PACRG: variants seen among roughly 807,000 people sequenced by gnomAD.
PACRG encodes parkin coregulated gene protein.
In PACRG, 29 loss-of-function variants were observed where a neutral mutation model predicts 29.7. The observed-to-expected ratio is 0.98, with a 90% CI of 0.73 to 1.33. The LOEUF (loss-of-function observed/expected upper bound fraction) is 1.33. Among genes scored for constraint, PACRG ranks in the 40% most tolerant of loss-of-function variants. PACRG has a pLI of 0.00. For missense variants in PACRG, 279 were observed against 316.2 expected (o/e 0.88, Z 0.89); for synonymous variants, 116 against 118.7 (o/e 0.98, Z 0.15).
chr6:163,114,197 T>C lies in PACRG; in HGVS notation c.613+24789T>C, dbSNP rs138021647. Among the ~76,000 whole-genome samples, 309 of 152,144 alleles carry C rather than the reference T, an allele frequency of 2.0e-3. 1 individual carries two copies. Among genetic ancestry groups the C allele is most frequent in the Middle Eastern group, 3.4e-3 (1 of 294 alleles). On this transcript the variant is annotated intron_variant, in intron 4 of 4. Transcript: ENST00000366888. ...CCCAGGAGGTGGAGGTTTCAGTGAGTCGAGATTGTGCCACTGCACTTCAGC... is the reference window on the plus strand; with the variant it reads ...CCCAGGAGGTGGAGGTTTCAGTGAGCCGAGATTGTGCCACTGCACTTCAGC...
intron 4 of PACRG, among the ~76,000 whole-genome samples, chr6:163,178,307 G>A (rs921552505): frequency 1.3e-5 from 2 of 152,168 alleles, no homozygotes; most frequent in Non-Finnish European, 2.9e-5. Flanking sequence ...CTCACAGCTC[G>A]GCGTGGCACG....
chr6:163,243,832 C>T (rs967622372), intron 4 of PACRG, among the ~76,000 whole-genome samples: 7 of 151,162 alleles, frequency 4.6e-5, no homozygotes, highest in Non-Finnish European at 7.4e-5. Flanking sequence ...ACCTGGGTCT[C>T]CAAGGCCCAG....
intron 4 of PACRG, among the ~76,000 whole-genome samples, chr6:163,286,885 T>C (rs917593147): frequency 1.3e-5 from 2 of 152,238 alleles, no homozygotes; most frequent in Non-Finnish European, 2.9e-5. Context: ...CACGTGTAGA[T>C]GTATGTGCAT....
At chr6:162,819,644 G>A (rs1787666137) in intron 2 of PACRG, among the ~76,000 whole-genome samples, 1 of 152,168 alleles carries the variant, frequency 6.6e-6, no homozygotes, top group Non-Finnish European at 1.5e-5. Flanking sequence ...ACCTAGAACA[G>A]TACTGTCACA....
chr6:162,999,579 G>A (rs923144015), intron 2 of PACRG, among the ~76,000 whole-genome samples: 1 of 152,158 alleles, frequency 6.6e-6, no homozygotes, highest in Non-Finnish European at 1.5e-5. Context: ...AAACAAGACT[G>A]GCTTGGCCTT....
chr6:162,845,781 C>A (rs947475841), intron 2 of PACRG, among the ~76,000 whole-genome samples: 2 of 152,188 alleles, frequency 1.3e-5, no homozygotes, highest in Non-Finnish European at 2.9e-5. Flanking sequence ...TTACCTCCAG[C>A]TGTTAAAATT....
intron 4 of PACRG, among the ~76,000 whole-genome samples, chr6:163,294,624 A>G (rs1784725708): frequency 6.6e-6 from 1 of 152,188 alleles, no homozygotes. Context: ...ATATCCTTGC[A>G]TTTAAATTCT....
In PACRG at chr6:163,234,575, T is replaced by C. The variant is rs142059252; in HGVS notation, c.614-80252T>C. On this transcript the variant is annotated intron_variant, in intron 4 of 4. Transcript: ENST00000366888. ...AAATTATCCAGCCTCGGCATTCCTT[T>C]ATAGCAGCCCCAACAGACTAAAACA... 3.0e-3 allele frequency among the ~76,000 whole-genome samples: 457 copies of C among 152,276 alleles called. 3 individuals are homozygous for C. The highest frequency in any genetic ancestry group is 6.3e-3 in the Admixed American group (97 of 15,298).
intron 4 of PACRG, among the ~76,000 whole-genome samples, chr6:163,222,079 G>A (rs1781602657): frequency 6.6e-6 from 1 of 150,892 alleles, no homozygotes; most frequent in Admixed American, 6.6e-5. Flanking sequence ...TTGTTCAGGT[G>A]CGCTGACCAA....
chr6:163,041,084 T>C (rs1808651899), intron 2 of PACRG, among the ~76,000 whole-genome samples: 1 of 152,114 alleles, frequency 6.6e-6, no homozygotes, highest in East Asian at 1.9e-4. Context: ...ATGCCTGTAA[T>C]CCCAGCACTT....
In PACRG at chr6:162,954,523, C is replaced by A. The variant is rs546900467; in HGVS notation, c.292-107627C>A. On this transcript the variant is annotated intron_variant, in intron 2 of 4. Coordinates refer to ENST00000366888, the MANE Select transcript of PACRG (RefSeq NM_001080379.2). ...AAACATTATTTTTTTACTGCACAACCCTTTAGCCTAAAATATTATTATCAT... is the reference window on the plus strand; with the variant it reads ...AAACATTATTTTTTTACTGCACAACACTTTAGCCTAAAATATTATTATCAT... Among the ~76,000 whole-genome samples the A allele has an allele frequency of 9.9e-5, 15 of 151,976 alleles. 1 individual carries two copies. In the South Asian group the frequency reaches 2.9e-3, roughly 29 times the overall value.
rs1796403596 is a variant in PACRG, at chr6:162,912,876, T to C, written c.291+98595T>C. 2.0e-5 allele frequency among the ~76,000 whole-genome samples: 3 copies of C among 151,470 alleles called. No individual in the cohort carries two copies. The South Asian group carries it at 6.2e-4, about 32-fold the overall frequency. ...TGAGCCACTGCACCCGGCCCACACATTATATTCTTATAAATACATGTGTAG... is the reference window on the plus strand; with the variant it reads ...TGAGCCACTGCACCCGGCCCACACACTATATTCTTATAAATACATGTGTAG... On this transcript the variant is annotated intron_variant, in intron 2 of 4. Coordinates refer to ENST00000366888, the MANE Select transcript of PACRG (RefSeq NM_001080379.2).
intron 2 of PACRG, 183 bp downstream of exon 2, chr6:162,814,464 T>G (rs1787155495): frequency 4.9e-6 from 3 of 618,418 alleles, no homozygotes; most frequent in Admixed American, 3.6e-5. Flanking sequence ...ACAATTAAAT[T>G]ATAGCCTGCA....
At chr6:163,047,307 T>C (rs887558638) in intron 2 of PACRG, among the ~76,000 whole-genome samples, 4 of 152,242 alleles carry the variant, frequency 2.6e-5, no homozygotes, top group African/African-American at 9.6e-5. Flanking sequence ...TATACAGATA[T>C]GTGATCAAGG....
chr6:162,727,955 C>T, upstream of PACRG: 1 of 597,214 alleles, frequency 1.7e-6, no homozygotes, highest in South Asian at 2.0e-5. Flanking sequence ...GGGCTATGCG[C>T]CCGCCGTGTT....
At chr6:162,758,015 A>G (rs544045739) in intron 1 of PACRG, among the ~76,000 whole-genome samples, 159 of 152,312 alleles carry the variant, frequency 1.0e-3, no homozygotes, top group African/African-American at 3.7e-3. Context: ...CTTTAATGGC[A>G]ATGCTGTAGG....
intron 2 of PACRG, among the ~76,000 whole-genome samples, chr6:162,895,552 A>C (rs993252071): frequency 6.6e-6 from 1 of 152,228 alleles, no homozygotes; most frequent in Admixed American, 6.5e-5. Flanking sequence ...TTATGAAAGC[A>C]TACCTTCTTC....
chr6:162,802,772 T>G (rs1785985345), intron 1 of PACRG, among the ~76,000 whole-genome samples: 1 of 152,178 alleles, frequency 6.6e-6, no homozygotes, highest in South Asian at 2.1e-4. Flanking sequence ...GATCTCCCTT[T>G]ATTATTAAAA....
intron 2 of PACRG, among the ~76,000 whole-genome samples, chr6:163,014,518 AT>A (rs34466517): frequency 0.4 from 59,963 of 150,338 alleles, 13,051 homozygotes; most frequent in Non-Finnish European, 0.49. Flanking sequence ...GCCAACATGT[AT>A]TTTTTTTTTT....
Sources: allele counts gnomAD v4.1 joint callset (sites outside exome capture counted in the v4.1 genomes callset), GRCh38; gene constraint gnomAD v4.1.1; transcripts MANE v1.5; gene names NCBI Gene and HGNC (gene_info 2026-07-23, HGNC 2026-07-21).